Variants in NOX3 observed in about 807,000 individuals in gnomAD.
NOX3 encodes NADPH oxidase 3.
NOX3 carries 74 observed loss-of-function variants against 76.7 expected under a neutral mutation model. The ratio of observed to expected loss-of-function variants is 0.96; its 90% CI spans 0.80 to 1.17. The LOEUF (loss-of-function observed/expected upper bound fraction) is 1.17. Ranked by LOEUF, NOX3 falls within the 50% of genes most tolerant of loss-of-function variation. The probability of loss-of-function intolerance (pLI) is 0.00; values close to 1 mark genes in which losing one functional copy is unlikely to be tolerated. For missense variants in NOX3, 695 were observed against 703.3 expected, an observed-to-expected ratio of 0.99 and a Z score of 0.13; for synonymous variants, 263 against 261.1, an observed-to-expected ratio of 1.01 and a Z score of -0.07.
At chr6:155,442,071 T>C (rs901212695) in intron 5 of NOX3, among the ~76,000 whole-genome samples, 6 of 152,174 alleles carry the variant, frequency 3.9e-5, no homozygotes, top group Non-Finnish European at 7.3e-5. Context: ...AAGACCATCC[T>C]GGCTAACACA....
At chr6:155,426,363 T>G (rs957682449) in intron 9 of NOX3, among the ~76,000 whole-genome samples, 8 of 152,184 alleles carry the variant, frequency 5.3e-5, no homozygotes, top group African/African-American at 1.9e-4. Context: ...GCTTCCATTC[T>G]AGTGTGGAGA....
chr6:155,399,529 T>C (rs1222306568), intron 12 of NOX3, among the ~76,000 whole-genome samples: 1 of 152,118 alleles, frequency 6.6e-6, no homozygotes, highest in Non-Finnish European at 1.5e-5. Context: ...TTATCTACCT[T>C]CTGCTAAGGT....
At chr6:155,438,680 C>T (rs1007623193) in intron 6 of NOX3, among the ~76,000 whole-genome samples, 1 of 152,170 alleles carries the variant, frequency 6.6e-6, no homozygotes, top group Non-Finnish European at 1.5e-5. Flanking sequence ...GTCTGTGGGC[C>T]CTACATGGGA....
chr6:155,428,557 C>T (rs376050596), intron 9 of NOX3, among the ~76,000 whole-genome samples: 3 of 151,592 alleles, frequency 2.0e-5, no homozygotes, highest in East Asian at 3.9e-4. Context: ...CTGGATCACC[C>T]TCTCTTGGCT....
At chr6:155,414,622 T>C (rs231941) in intron 10 of NOX3, among the ~76,000 whole-genome samples, 5,247 of 128,612 alleles carry the variant, frequency 0.041, 131 homozygotes, top group African/African-American at 0.053. Context: ...TTCTTTTCTT[T>C]CTTTTTTTTT....
chr6:155,426,485 TG>T (rs1172027433), intron 9 of NOX3, among the ~76,000 whole-genome samples: 8 of 152,130 alleles, frequency 5.3e-5, no homozygotes, highest in African/African-American at 1.9e-4. Flanking sequence ...GAGTGACTGC[TG>T]GGGGTTGTTT....
chr6:155,434,333 C>T (rs1054766618), intron 7 of NOX3, among the ~76,000 whole-genome samples: 9 of 152,184 alleles, frequency 5.9e-5, no homozygotes, highest in East Asian at 1.9e-4. Context: ...AGTGCTTCTC[C>T]GGCCTAGGAC....
intron 1 of NOX3, among the ~76,000 whole-genome samples, 190 bp downstream of exon 1, chr6:155,455,563 A>C (rs912659626): frequency 2.0e-5 from 3 of 152,210 alleles, no homozygotes; most frequent in African/African-American, 7.2e-5. Flanking sequence ...AAATGAGCTC[A>C]ATCGGAAAAC....
chr6:155,443,361 T>A lies in NOX3; in HGVS notation c.398A>T (p.Glu133Val). The A allele has an allele frequency of 6.2e-7, 1 of 1,614,034 alleles. No individual in the cohort carries two copies. Among genetic ancestry groups the A allele is most frequent in the Non-Finnish European group, 8.5e-7 (1 of 1,179,960 alleles). ...NLERYHWSQS[E>V]EAQGLLAALS... ...TGCGGCCAGAAGTCCCTGGGCCTCC[T>A]CGGACTGGCTCCAGTGGTAGCGTTC... The change falls in exon 5 of 14, where the codon GAG (glutamate) becomes GTG (valine). Residue 133 changes from glutamate to valine, a missense_variant. Transcript: ENST00000159060.
At chr6:155,427,730 C>T (rs1776775632) in intron 9 of NOX3, among the ~76,000 whole-genome samples, 1 of 151,890 alleles carries the variant, frequency 6.6e-6, no homozygotes, top group Non-Finnish European at 1.5e-5. Context: ...TTTTGGTGTC[C>T]CTGTTCTTCC....
chr6:155,414,421 A>G (rs954068660), intron 10 of NOX3, among the ~76,000 whole-genome samples: 2 of 152,114 alleles, frequency 1.3e-5, no homozygotes, highest in Non-Finnish European at 2.9e-5. Context: ...ACAACCCTGA[A>G]ATCAGCTACC....
chr6:155,428,830 T>A lies in NOX3; in HGVS notation c.1109A>T (p.Glu370Val), dbSNP rs1433668240. The A allele has an allele frequency of 1.3e-6, 2 of 1,563,408 alleles. No individual in the cohort carries two copies. Among genetic ancestry groups the A allele is most frequent in the African/African-American group, 2.7e-5 (2 of 73,598 alleles). The change falls in exon 9 of 14, where the codon GAG becomes GTG. Residue 370 changes from glutamate to valine, a missense_variant. Glu to Val is a moderately radical substitution (Grantham distance 121, BLOSUM62 -2). Coordinates refer to ENST00000159060, the MANE Select transcript of NOX3 (RefSeq NM_015718.3). ...CCAGGGCTCCTGGAGGGCCTGTCCC[T>A]CTGCCCCAAAGGCCTCCAGTAGCGC... ...TAALLEAFGA[E>V]GQALQEPWSL... is the part of the protein sequence containing the mutation.
In NOX3 at chr6:155,407,299, T is replaced by A. The variant is rs181896573; in HGVS notation, c.1456-45A>T. The A allele has an allele frequency of 2.9e-3, 4,280 of 1,482,780 alleles. 81 individuals carry two copies. In the African/African-American group the frequency reaches 0.052, roughly 18 times the overall value. 91.9% of individuals were successfully genotyped at this position (1,482,780 alleles called of 1,614,324 possible). ...TTAGATGACATTTAGAAAAAAAAAA[T>A]AAGACTTCTATAAATAAAGAATAAA... On this transcript the variant is annotated intron_variant, in intron 11 of 13. Transcript: ENST00000159060.
chr6:155,444,212 C>T (rs144473920), intron 4 of NOX3, among the ~76,000 whole-genome samples: 1 of 152,160 alleles, frequency 6.6e-6, no homozygotes, highest in East Asian at 1.9e-4. Context: ...CTGAGGTCAA[C>T]CACAATCAGA....
At chr6:155,440,800 ATAAC>A (rs1394432669) in intron 5 of NOX3, among the ~76,000 whole-genome samples, 4 of 152,370 alleles carry the variant, frequency 2.6e-5, no homozygotes, top group Admixed American at 6.5e-5. Context: ...AATCTTCAAA[ATAAC>A]TATGTGGATC....
intron 9 of NOX3, among the ~76,000 whole-genome samples, chr6:155,426,089 G>A (rs957400360): frequency 1.3e-5 from 2 of 152,190 alleles, no homozygotes; most frequent in Non-Finnish European, 2.9e-5. Context: ...ATCATCCAAG[G>A]AAGTCCAATA....
chr6:155,441,436 C>T (rs999741047), intron 5 of NOX3, among the ~76,000 whole-genome samples: 1 of 152,226 alleles, frequency 6.6e-6, no homozygotes, highest in East Asian at 1.9e-4. Context: ...GCTAATTTCA[C>T]ATCATTCTTC....
At chr6:155,436,678 G>A (rs1041220152) in intron 6 of NOX3, 131 bp from the exon 7 acceptor site, 39 of 885,114 alleles carry the variant, frequency 4.4e-5, no homozygotes, top group African/African-American at 3.2e-4. Context: ...CTTGAAACTC[G>A]GGCTGTCATT....
Position 155,440,005 on chromosome 6 carries a change from G to A in NOX3, c.619C>T (p.His207Tyr), listed in dbSNP as rs748842096. The part of the protein sequence containing the change: ...QASYELFWYT[H>Y]HVFIVFFLSL... ...AGAAAGAAGACGATGAAAACATGGT[G>A]TGTGTACCAGAACAACTCATAGGAG... is the stretch of plus-strand genomic sequence containing the variant. Residue 207 changes from histidine (H) to tyrosine (Y), a missense_variant, in exon 6 of 14, where the codon CAC becomes TAC. Coordinates refer to ENST00000159060, the MANE Select transcript of NOX3 (RefSeq NM_015718.3). The A allele has an allele frequency of 1.9e-6, 3 of 1,613,900 alleles. No homozygotes were observed. Among genetic ancestry groups the A allele is most frequent in the East Asian group, 4.5e-5 (2 of 44,878 alleles).
Sources: allele counts gnomAD v4.1 joint callset (sites outside exome capture counted in the v4.1 genomes callset), GRCh38; gene constraint gnomAD v4.1.1; transcripts MANE v1.5; gene names NCBI Gene and HGNC (gene_info 2026-07-23, HGNC 2026-07-21).